The following PLXNA4 variants were observed in gnomAD, a reference collection of about 807,000 sequenced individuals.
PLXNA4 encodes the protein plexin A4, also known as plexin-A4.
A neutral mutation model predicts 191.8 loss-of-function variants in PLXNA4; 44 were observed. That is an observed-to-expected ratio of 0.23 (90% CI 0.18 to 0.29). PLXNA4 has a LOEUF of 0.29. Ranked by LOEUF, PLXNA4 falls within the 10% of genes least tolerant of loss-of-function variation. The pLI, the probability that PLXNA4 is intolerant of heterozygous loss-of-function variation, is 1.00. For missense variants in PLXNA4, 1,800 were observed against 2,488.8 expected, an observed-to-expected ratio of 0.72 and a Z score of 5.89; for synonymous variants, 1,082 against 1,009.5, an observed-to-expected ratio of 1.07 and a Z score of -1.36.
rs372392636 is a variant in PLXNA4 at position 132,180,718 on chromosome 7, G to A, written c.3507C>T (p.Ile1169=). 2 of 1,614,138 alleles carry A rather than the reference G, an allele frequency of 1.2e-6. No homozygotes were observed. Among genetic ancestry groups the A allele is most frequent in the South Asian group, 1.1e-5 (1 of 91,084 alleles). Residue 1169 remains isoleucine, a synonymous_variant, in exon 19 of 32, where the codon ATC becomes ATT. Coordinates refer to ENST00000321063, the MANE Select transcript of PLXNA4 (RefSeq NM_020911.2). ...TCACGTTGCCCCCAGCCACAGGCGG[G>A]ATCAGGTTCTTGCCCTGTACAAATG... ...TPIILKGKNL[I]PPVAGGNVKL...
At chr7:132,383,754 A>C (rs752729469) in intron 3 of PLXNA4, 14 of 984,574 alleles carry the variant, frequency 1.4e-5, no homozygotes, top group Non-Finnish European at 1.3e-5. Flanking sequence ...GAAACAAATT[A>C]GAATTGATTC....
chr7:132,225,891 T>C (rs1798306114), intron 8 of PLXNA4, among the ~76,000 whole-genome samples: 1 of 152,158 alleles, frequency 6.6e-6, no homozygotes, highest in African/African-American at 2.4e-5. Context: ...GCGCTAGGGA[T>C]GTGGAGAGCC....
intron 31 of PLXNA4, among the ~76,000 whole-genome samples, chr7:132,132,503 T>TTCTGTTCTGCTCTGCTCTGC (rs1794993395): frequency 1.1e-5 from 1 of 93,816 alleles, no homozygotes; most frequent in Non-Finnish European, 2.3e-5. Flanking sequence ...TTCTTTTCTA[T>TTCTGTTCTGCTCTGCTCTGC]TCTATTCTAT....
Position 132,461,587 on chromosome 7 carries a change from G to A in PLXNA4, c.1371+27705C>T, listed in dbSNP as rs187440031. Among the ~76,000 whole-genome samples, 231 of 152,272 alleles carry A rather than the reference G, an allele frequency of 1.5e-3. 4 individuals are homozygous for A. The highest frequency in any genetic ancestry group is 2.6e-4 in the Non-Finnish European group (18 of 68,026). ...ATTAAAAGAACATATTTAAATCCAA[G>A]GGAAAAGAAATCAAGTCAACACACA... On this transcript the variant is annotated intron_variant, in intron 3 of 31. Coordinates refer to ENST00000321063, the MANE Select transcript of PLXNA4 (RefSeq NM_020911.2).
Position 132,140,769 on chromosome 7 carries a change from C to T in PLXNA4, c.5268G>A (p.Gln1756=). 1.2e-6 allele frequency: 2 copies of T among 1,613,990 alleles called. No homozygotes were observed. Among genetic ancestry groups the T allele is most frequent in the Non-Finnish European group, 1.7e-6 (2 of 1,180,008 alleles). ...TGTTCTTATGGATGTCAAACACAAA[C>T]TGCGGGTTCTTGATCATGTTGACCC... ...RFWVNMIKNP[Q]FVFDIHKNSI... is the part of the protein sequence containing the mutation. The change falls in exon 30 of 32, where the codon CAG becomes CAA. Residue 1756 remains glutamine, a synonymous_variant. Coordinates refer to ENST00000321063, the MANE Select transcript of PLXNA4 (RefSeq NM_020911.2).
At chr7:132,471,766 C>T (rs578147154) in intron 3 of PLXNA4, among the ~76,000 whole-genome samples, 7 of 152,266 alleles carry the variant, frequency 4.6e-5, no homozygotes, top group African/African-American at 1.7e-4. Flanking sequence ...TCCCCCTTCA[C>T]CCACTTCCCC....
At chr7:132,273,072 A>T (rs1800136572) in intron 4 of PLXNA4, among the ~76,000 whole-genome samples, 1 of 152,172 alleles carries the variant, frequency 6.6e-6, no homozygotes, top group Admixed American at 6.5e-5. Flanking sequence ...CAAATGTTTG[A>T]CAAATGAATA....
intron 3 of PLXNA4, among the ~76,000 whole-genome samples, chr7:132,406,494 C>T (rs1236532801): frequency 6.6e-6 from 1 of 152,172 alleles, no homozygotes; most frequent in Non-Finnish European, 1.5e-5. Flanking sequence ...ACCCAGGAGC[C>T]TCCTGACCAC....
chr7:132,503,182 A>C (rs1798325632), intron 2 of PLXNA4, among the ~76,000 whole-genome samples: 1 of 152,144 alleles, frequency 6.6e-6, no homozygotes, highest in Admixed American at 6.5e-5. Flanking sequence ...CCCATCACCC[A>C]GGCCATAATG....
chr7:132,143,940 G>A (rs1322683389), intron 29 of PLXNA4, among the ~76,000 whole-genome samples: 1 of 152,214 alleles, frequency 6.6e-6, no homozygotes, highest in Non-Finnish European at 1.5e-5. Flanking sequence ...ATTCAGCAGG[G>A]ATAGTCTCTT....
chr7:132,591,805 C>G (rs898687472), intron 2 of PLXNA4, among the ~76,000 whole-genome samples: 2 of 152,162 alleles, frequency 1.3e-5, no homozygotes, highest in African/African-American at 4.8e-5. Flanking sequence ...CAGTCCTTCC[C>G]AACTCCATTC....
In PLXNA4 at chr7:132,133,185, A is replaced by G. The variant is rs1286738724; in HGVS notation, c.5453T>C (p.Ile1818Thr). Residue 1818 changes from isoleucine (I) to threonine (T), a missense_variant, in exon 31 of 32, where the codon ATA becomes ACA. Ile to Thr is a moderately conservative substitution (Grantham distance 89). Transcript: ENST00000321063. ...KNWVERYYSD[I>T]GKMPAISDQD... Reference sequence around the variant, plus strand: ...GTCGCTGATGGCTGGCATCTTCCCTATGTCTGAGTAATACCTGTGGAGGGA... The same window carrying G: ...GTCGCTGATGGCTGGCATCTTCCCTGTGTCTGAGTAATACCTGTGGAGGGA... The G allele has an allele frequency of 1.9e-6, 3 of 1,614,078 alleles. No individual in the cohort carries two copies. The highest frequency in any genetic ancestry group is 1.7e-5 in the Admixed American group (1 of 60,012).
rs149147413 is a variant in PLXNA4, at chr7:132,302,122, G to A, written c.1372-3900C>T. Among the ~76,000 whole-genome samples the A allele has an allele frequency of 2.9e-3, 449 of 152,332 alleles. 1 individual carries two copies. The highest frequency in any genetic ancestry group is 5.3e-3 in the Non-Finnish European group (361 of 68,030). ...ACTTCGGGCAGTTTGGCCATGGAGA[G>A]AGAGAATTGACTAAGAGACAGGAAA... is the stretch of plus-strand genomic sequence containing the variant. On this transcript the variant is annotated intron_variant, in intron 3 of 31. Transcript: ENST00000321063.
intron 2 of PLXNA4, among the ~76,000 whole-genome samples, chr7:132,606,071 C>A (rs531344183): frequency 2.8e-4 from 43 of 152,202 alleles, no homozygotes; most frequent in Non-Finnish European, 5.9e-4. Context: ...GGCTGAGGCA[C>A]GAGAATCGCT....
intron 4 of PLXNA4, among the ~76,000 whole-genome samples, chr7:132,280,455 A>G (rs1223029428): frequency 6.6e-6 from 1 of 152,226 alleles, no homozygotes; most frequent in Non-Finnish European, 1.5e-5. Context: ...CAAGCTCCAT[A>G]GTCATTCTGG....
At chr7:132,230,849 G>A (rs565140082) in intron 5 of PLXNA4, among the ~76,000 whole-genome samples, 5 of 152,288 alleles carry the variant, frequency 3.3e-5, no homozygotes, top group Admixed American at 6.5e-5. Flanking sequence ...TGAAGAGAGC[G>A]AAAAGCAGAG....
chr7:132,638,086 C>G (rs1008121750), intron 2 of PLXNA4, among the ~76,000 whole-genome samples: 6 of 152,188 alleles, frequency 3.9e-5, no homozygotes, highest in Non-Finnish European at 7.3e-5. Flanking sequence ...AGCCTGGGCT[C>G]TCATCCACCC....
At chr7:132,444,233 G>T (rs976932082) in intron 3 of PLXNA4, among the ~76,000 whole-genome samples, 5 of 152,188 alleles carry the variant, frequency 3.3e-5, no homozygotes, top group African/African-American at 1.2e-4. Flanking sequence ...TTTGGCTCAG[G>T]TGTTGTTGTC....
intron 1 of PLXNA4, among the ~76,000 whole-genome samples, chr7:132,520,355 T>C (rs1223556052): frequency 6.6e-6 from 1 of 152,220 alleles, no homozygotes; most frequent in East Asian, 1.9e-4. Context: ...TCCATTTCAC[T>C]GAGCCTGACA....
Sources: allele counts gnomAD v4.1 joint callset (sites outside exome capture counted in the v4.1 genomes callset), GRCh38; gene constraint gnomAD v4.1.1; transcripts MANE v1.5; gene names NCBI Gene and HGNC (gene_info 2026-07-23, HGNC 2026-07-21).